Variants in ZMIZ1 observed in about 807,000 individuals in gnomAD.
ZMIZ1 encodes the protein zinc finger MIZ domain-containing protein 1.
In ZMIZ1, 17 loss-of-function variants were observed where a neutral mutation model predicts 113.9. The ratio of observed to expected loss-of-function variants is 0.15; its 90% CI spans 0.10 to 0.22. The LOEUF is 0.22. ZMIZ1 is among the 10% of genes least tolerant of loss of function. The pLI is 1.00. For missense variants in ZMIZ1, 1,059 were observed against 1,477.8 expected (o/e 0.72, Z 4.65); for synonymous variants, 607 against 603.1 (o/e 1.01, Z -0.09).
chr10:79,108,281 G>A (rs1317774499), intron 1 of ZMIZ1, among the ~76,000 whole-genome samples: 2 of 152,222 alleles, frequency 1.3e-5, no homozygotes, highest in African/African-American at 4.8e-5. Context: ...ACAGACAGGG[G>A]AAGTGAGGCT....
At chr10:79,177,579 C>T (rs1209026483) in intron 4 of ZMIZ1, among the ~76,000 whole-genome samples, 2 of 152,190 alleles carry the variant, frequency 1.3e-5, no homozygotes, top group Admixed American at 6.5e-5. Context: ...AAGGCAGACC[C>T]GGACCCTGCC....
chr10:79,175,589 T>C (rs920555903), intron 4 of ZMIZ1, among the ~76,000 whole-genome samples: 48 of 59,162 alleles, frequency 8.1e-4, no homozygotes, highest in Admixed American at 6.8e-3. Context: ...TCTGCGTGTG[T>C]GTGTGTGTGT....
Position 79,299,064 on chromosome 10 carries a change from G to A in ZMIZ1, c.1681G>A (p.Glu561Lys), listed in dbSNP as rs1215423252. 2.5e-6 allele frequency: 4 copies of A among 1,610,666 alleles called. No homozygotes were observed. Among genetic ancestry groups the A allele is most frequent in the Non-Finnish European group, 3.4e-6 (4 of 1,178,782 alleles). Residue 561 changes from glutamate (E) to lysine (K), a missense_variant, in exon 16 of 25, where the codon GAG (glutamate) becomes AAG (lysine). Transcript: ENST00000334512. The part of the protein sequence containing the change: ...LPPPPANHND[E>K]LRLTFPVRDG... ...CCTCGCCCCAGCCAACCACAATGAC[G>A]AGCTGCGGCTCACATTCCCTGTGCG...
At chr10:79,095,079 C>T (rs1362069604) in intron 1 of ZMIZ1, among the ~76,000 whole-genome samples, 1 of 152,200 alleles carries the variant, frequency 6.6e-6, no homozygotes, top group Non-Finnish European at 1.5e-5. Flanking sequence ...AGCTCTGACT[C>T]TCAGACCAGC....
rs757183814 is a variant in ZMIZ1, at chr10:79,311,053, C to T, written c.2965C>T (p.Pro989Ser). ...GGCTCCTCCTCCTCCTCCTTCCCAG[C>T]CTCCCCGGCAGCCGCCACAGGCCGC... ...SGAPPPPPSQPPRQPPQAAPS... is the reference protein window; with the variant it reads ...SGAPPPPPSQSPRQPPQAAPS... Residue 989 changes from proline to serine, a missense_variant, in exon 24 of 25, where the codon CCT (proline) becomes TCT (serine). Coordinates refer to ENST00000334512, the MANE Select transcript of ZMIZ1 (RefSeq NM_020338.4). 1.9e-6 allele frequency: 3 copies of T among 1,613,640 alleles called. No homozygotes were observed. The highest frequency in any genetic ancestry group is 2.5e-6 in the Non-Finnish European group (3 of 1,180,018).
At chr10:79,199,414 G>A (rs1333692129) in intron 4 of ZMIZ1, among the ~76,000 whole-genome samples, 1 of 152,006 alleles carries the variant, frequency 6.6e-6, no homozygotes, top group Non-Finnish European at 1.5e-5. Context: ...GCTGAGGCTG[G>A]AGAATCGCTT....
chr10:79,289,595 T>C (rs906043873), intron 8 of ZMIZ1, among the ~76,000 whole-genome samples, 180 bp from the exon 9 acceptor site: 7 of 152,160 alleles, frequency 4.6e-5, no homozygotes. Flanking sequence ...CCTGTCACCA[T>C]GCAGGGCACA....
At chr10:79,089,443 T>C (rs1308718085) in intron 1 of ZMIZ1, among the ~76,000 whole-genome samples, 1 of 152,246 alleles carries the variant, frequency 6.6e-6, no homozygotes, top group Non-Finnish European at 1.5e-5. Context: ...CGGTTTGCTC[T>C]AGTTTGGTTT....
At chr10:79,241,813 A>T (rs554158175) in intron 7 of ZMIZ1, among the ~76,000 whole-genome samples, 4 of 152,248 alleles carry the variant, frequency 2.6e-5, no homozygotes, top group Admixed American at 2.0e-4. Flanking sequence ...GGCTGAGAAG[A>T]GGGGATGGAG....
Position 79,208,290 on chromosome 10 carries a change from A to G in ZMIZ1, c.61-46A>G, listed in dbSNP as rs781507052. The G allele has an allele frequency of 6.4e-5, 100 of 1,558,596 alleles. 1 individual carries two copies. In the South Asian group the frequency reaches 1.0e-3, roughly 16 times the overall value. On this transcript the variant is annotated intron_variant, in intron 5 of 24. Coordinates refer to ENST00000334512, the MANE Select transcript of ZMIZ1 (RefSeq NM_020338.4). ...CAGACCCCCACACGCTGCCTGTGCT[A>G]CCCTCACTCTTGGAGCCTCAGCCGC...
chr10:79,252,637 C>T (rs1850624861), intron 7 of ZMIZ1, among the ~76,000 whole-genome samples: 1 of 152,210 alleles, frequency 6.6e-6, no homozygotes, highest in South Asian at 2.1e-4. Context: ...TACTCAGTTA[C>T]CACTTCTGCA....
At chr10:79,084,795 C>G (rs1002350221) in intron 1 of ZMIZ1, among the ~76,000 whole-genome samples, 1 of 134,220 alleles carries the variant, frequency 7.5e-6, no homozygotes. Context: ...CTGGGCTGGC[C>G]GTTGATGATT....
intron 18 of ZMIZ1, among the ~76,000 whole-genome samples, chr10:79,303,799 C>CACACCACACGTGTCCCACAT (rs1371033765): frequency 6.6e-6 from 1 of 152,266 alleles, no homozygotes; most frequent in African/African-American, 2.4e-5. Flanking sequence ...CTGGCACACA[C>CACACCACACGTGTCCCACAT]ACACCACACG....
rs1397900404 is a variant in ZMIZ1 at position 79,305,573 on chromosome 10, A to G, written c.2395A>G (p.Met799Val). ...GGAGGGCCTGGAGGTGGATCAGTAC[A>G]TGTGGGGAATCCTGAATGCCATCCA... is the stretch of plus-strand genomic sequence containing the variant. ...LLEGLEVDQY[M>V]WGILNAIQHS... The change falls in exon 21 of 25, where the codon ATG (methionine) becomes GTG (valine). Residue 799 changes from methionine (M) to valine (V), a missense_variant. Met to Val is a conservative substitution (Grantham distance 21, BLOSUM62 1). Around this residue, in one of 6 missense-constraint regions of ZMIZ1, gnomAD observed 217 missense variants for 426.9 expected, o/e 0.51. Coordinates refer to ENST00000334512, the MANE Select transcript of ZMIZ1 (RefSeq NM_020338.4). The G allele has an allele frequency of 4.3e-6, 7 of 1,610,044 alleles. No homozygotes were observed. In the Admixed American group the frequency reaches 6.7e-5, roughly 15 times the overall value.
intron 2 of ZMIZ1, among the ~76,000 whole-genome samples, chr10:79,119,631 G>A (rs1232492101): frequency 6.6e-6 from 1 of 152,180 alleles, no homozygotes; most frequent in African/African-American, 2.4e-5. Flanking sequence ...TTCTTTTTGG[G>A]GGTGGGGATC....
At chr10:79,245,288 C>G (rs149507602) in intron 7 of ZMIZ1, among the ~76,000 whole-genome samples, 1 of 152,184 alleles carries the variant, frequency 6.6e-6, no homozygotes, top group African/African-American at 2.4e-5. Flanking sequence ...GATGGGAAAA[C>G]TGATGTGCCC....
chr10:79,071,499 G>A (rs1262718901), intron 1 of ZMIZ1, among the ~76,000 whole-genome samples: 1 of 152,232 alleles, frequency 6.6e-6, no homozygotes, highest in African/African-American at 2.4e-5. Context: ...TACGGTCCCG[G>A]GAGTGTGAAG....
intron 3 of ZMIZ1, among the ~76,000 whole-genome samples, chr10:79,144,513 C>T (rs1321983777): frequency 6.6e-6 from 1 of 152,024 alleles, no homozygotes; most frequent in Non-Finnish European, 1.5e-5. Flanking sequence ...CTGTTTGTGT[C>T]CCCACCCCAC....
At chr10:79,176,530 C>T (rs1846875915) in intron 4 of ZMIZ1, among the ~76,000 whole-genome samples, 1 of 152,064 alleles carries the variant, frequency 6.6e-6, no homozygotes, top group African/African-American at 2.4e-5. Flanking sequence ...CTCCTGGTGC[C>T]AAGGCACAGC....
Sources: allele counts gnomAD v4.1 joint callset (sites outside exome capture counted in the v4.1 genomes callset), GRCh38; gene constraint gnomAD v4.1.1; regional missense constraint gnomAD v4.1.1; transcripts MANE v1.5; gene names NCBI Gene and HGNC (gene_info 2026-07-23, HGNC 2026-07-21).